Variants in C8orf76 observed in about 807,000 individuals in gnomAD.
C8orf76 encodes uncharacterized protein C8orf76.
A neutral mutation model predicts 38.1 loss-of-function variants in C8orf76; 46 were observed. That is an observed-to-expected ratio of 1.21 (90% CI 0.95 to 1.54). The LOEUF is 1.54. Among genes scored for constraint, C8orf76 ranks in the 40% most tolerant of loss-of-function variants. The pLI is 0.00. For missense variants in C8orf76, 461 were observed against 441.6 expected (o/e 1.04, Z -0.39); for synonymous variants, 166 against 167.5 (o/e 0.99, Z 0.07).
At chr8:123,230,367 G>T (rs1042680290) in intron 4 of C8orf76, among the ~76,000 whole-genome samples, 6 of 152,144 alleles carry the variant, frequency 3.9e-5, no homozygotes, top group Admixed American at 3.3e-4. Flanking sequence ...TGGAATATAC[G>T]AACAGAAAAT....
intron 4 of C8orf76, among the ~76,000 whole-genome samples, chr8:123,227,893 T>C (rs930421420): frequency 2.3e-4 from 35 of 152,198 alleles, no homozygotes; most frequent in Non-Finnish European, 2.6e-4. Context: ...GTCTGACCTG[T>C]TGACATCACC....
Position 123,236,781 on chromosome 8 carries a change from C to G in C8orf76, c.357+1017G>C, listed in dbSNP as rs1182515247. On this transcript the variant is annotated intron_variant, in intron 3 of 5. Transcript: ENST00000276704. The stretch of plus-strand genomic sequence containing the variant: ...CCTGGGTGACAGAGTGAGACTCTGT[C>G]TCAAAAAAAAAAAAAAAGAAAGAAA... The G allele has an allele frequency of 8.0e-6, 4 of 499,708 alleles. No individual in the cohort carries two copies. In the African/African-American group the frequency reaches 8.4e-5, roughly 10 times the overall value. The allele number at this position is 499,708 out of a possible 1,614,324, so 31.0% of individuals were successfully genotyped here. A position where few individuals can be genotyped will look rare whatever the true frequency, so the allele number is the denominator to read the frequency against.
chr8:123,236,719 G>C, intron 3 of C8orf76: 1 of 392,682 alleles, frequency 2.5e-6, no homozygotes, highest in East Asian at 5.8e-5. Context: ...GGGAGGCGGA[G>C]GTTGCGGCAA....
chr8:123,226,978 A>T (rs1342380843), intron 4 of C8orf76, among the ~76,000 whole-genome samples: 6 of 152,212 alleles, frequency 3.9e-5, no homozygotes, highest in Admixed American at 6.5e-5. Flanking sequence ...TTGGAGTGAA[A>T]GGAACGAGCC....
rs764739717 is a variant in C8orf76, at chr8:123,220,198, A to T, written c.1048T>A (p.Ser350Thr). Residue 350 changes from serine (S) to threonine (T), a missense_variant, in exon 6 of 6, where the codon TCA (serine) becomes ACA (threonine). Transcript: ENST00000276704. ...VALTALVTVS[S>T]EEFEDKWFRK... ...AACCACTTGTCTTCAAATTCTTCTG[A>T]GGATACAGTCACCAAGGCAGTCAGG... 3.7e-6 allele frequency: 6 copies of T among 1,613,934 alleles called. No individual in the cohort carries two copies. The highest frequency in any genetic ancestry group is 1.3e-5 in the African/African-American group (1 of 74,926).
chr8:123,241,116 G>A (rs1825669113), intron 1 of C8orf76, 114 bp downstream of exon 1: 1 of 1,077,348 alleles, frequency 9.3e-7, no homozygotes, highest in Non-Finnish European at 1.3e-6. Flanking sequence ...GGCGGGCGCT[G>A]GAGCCTGCCA....
intron 1 of C8orf76, 61 bp from the exon 2 acceptor site, chr8:123,239,205 A>C (rs1449878447): frequency 1.4e-5 from 21 of 1,536,534 alleles, no homozygotes; most frequent in Middle Eastern, 1.7e-4. Flanking sequence ...TCATATTCAG[A>C]AGCAATTTCC....
At chr8:123,235,590 CTG>C (rs1037102902) in intron 3 of C8orf76, among the ~76,000 whole-genome samples, 15 of 152,354 alleles carry the variant, frequency 9.8e-5, no homozygotes, top group African/African-American at 3.6e-4. Context: ...CGCTTTCCAC[CTG>C]ACAGTCCTGC....
rs1246516760 is a variant in C8orf76 at position 123,237,149 on chromosome 8, C to A, written c.357+649G>T. ...CAAGTGCTGTGCCCGCCTGCACCAC[C>A]CCGTGCTGTCAACTCCCGCAAGAAG... On this transcript the variant is annotated intron_variant, in intron 3 of 5. Coordinates refer to ENST00000276704, the MANE Select transcript of C8orf76 (RefSeq NM_032847.3). 5.0e-6 allele frequency: 4 copies of A among 796,452 alleles called. No homozygotes were observed. In the East Asian group the frequency reaches 9.9e-5, roughly 20 times the overall value. 49.3% of individuals were successfully genotyped at this position (796,452 alleles called of 1,614,324 possible).
rs560911652 is a variant in C8orf76, at chr8:123,231,877, T to C, written c.358-120A>G. 2.6e-5 allele frequency: 27 copies of C among 1,045,940 alleles called. No homozygotes were observed. In the South Asian group the frequency reaches 3.6e-4, roughly 14 times the overall value. The allele number at this position is 1,045,940 out of a possible 1,614,324, so 64.8% of individuals were successfully genotyped here. A position where few individuals can be genotyped will look rare whatever the true frequency, so the allele number is the denominator to read the frequency against. On this transcript the variant is annotated intron_variant, in intron 3 of 5. Transcript: ENST00000276704. ...AATTAGAAGTATCTTTCAGTAGCTA[T>C]ACGAGTGACCTAAATATATTTCAAT...
At chr8:123,230,398 T>TC (rs1815325326) in intron 4 of C8orf76, among the ~76,000 whole-genome samples, 1 of 152,244 alleles carries the variant, frequency 6.6e-6, no homozygotes, top group Non-Finnish European at 1.5e-5. Context: ...AAATATGTCT[T>TC]CTCCCTTTTT....
intron 3 of C8orf76, among the ~76,000 whole-genome samples, chr8:123,232,967 T>C (rs1042067696): frequency 6.6e-6 from 1 of 152,182 alleles, no homozygotes; most frequent in Non-Finnish European, 1.5e-5. Flanking sequence ...ACTACATCTG[T>C]AACAAATGCT....
At chr8:123,226,712 G>C (rs1825057875) in intron 4 of C8orf76, 80 bp from the exon 5 acceptor site, 20 of 1,501,438 alleles carry the variant, frequency 1.3e-5, no homozygotes, top group Non-Finnish European at 1.7e-5. Context: ...GAAATGTTCA[G>C]AAAGCCCAGG....
intron 4 of C8orf76, among the ~76,000 whole-genome samples, chr8:123,228,800 C>A (rs1825136291): frequency 6.6e-6 from 1 of 152,194 alleles, no homozygotes; most frequent in East Asian, 1.9e-4. Context: ...CTAACATTTA[C>A]CAAATGCCTA....
In C8orf76 at chr8:123,231,438, A is replaced by T. The variant is rs1825267500; in HGVS notation, c.677T>A (p.Phe226Tyr). The change falls in exon 4 of 6, where the codon TTT (phenylalanine) becomes TAT (tyrosine). Residue 226 changes from phenylalanine to tyrosine, a missense_variant. Coordinates refer to ENST00000276704, the MANE Select transcript of C8orf76 (RefSeq NM_032847.3). ...FPETLPESSL[F>Y]SVEANSSNSQ... ...ATTACTGCTATTCGCTTCCACAGAA[A>T]ATAAAGAGCTCTCAGGCAAGGTTTC... 1 of 1,614,106 alleles carries T rather than the reference A, an allele frequency of 6.2e-7. No individual in the cohort carries two copies. The highest frequency in any genetic ancestry group is 1.3e-5 in the African/African-American group (1 of 74,934).
chr8:123,221,988 C>CT (rs1056984720), intron 5 of C8orf76, among the ~76,000 whole-genome samples: 14 of 151,736 alleles, frequency 9.2e-5, no homozygotes, highest in African/African-American at 3.1e-4. Context: ...TCTTATTTTT[C>CT]TTTTTTTTGG....
chr8:123,239,251 C>T, intron 1 of C8orf76, 107 bp from the exon 2 acceptor site: 2 of 1,209,026 alleles, frequency 1.7e-6, no homozygotes, highest in Non-Finnish European at 2.3e-6. Context: ...AAAAAGACTT[C>T]TTCAAGAGTC....
In C8orf76 at chr8:123,223,406, G is replaced by A. The variant is rs377434989; in HGVS notation, c.948+3094C>T. ...GCAGATCACTTGAGATCAGGAGTTC[G>A]AGACCAGCCTGGCCAATATGGTGAA... On this transcript the variant is annotated intron_variant, in intron 5 of 5. Coordinates refer to ENST00000276704, the MANE Select transcript of C8orf76 (RefSeq NM_032847.3). Among the ~76,000 whole-genome samples the A allele has an allele frequency of 2.6e-5, 4 of 152,216 alleles. No homozygotes were observed. In the East Asian group the frequency reaches 5.8e-4, roughly 22 times the overall value.
At chr8:123,225,036 C>T (rs1824996295) in intron 5 of C8orf76, among the ~76,000 whole-genome samples, 1 of 152,062 alleles carries the variant, frequency 6.6e-6, no homozygotes, top group African/African-American at 2.4e-5. Flanking sequence ...GATGGAGTCT[C>T]CCTCTGTTGC....
Sources: allele counts gnomAD v4.1 joint callset (sites outside exome capture counted in the v4.1 genomes callset), GRCh38; gene constraint gnomAD v4.1.1; transcripts MANE v1.5; gene names NCBI Gene and HGNC (gene_info 2026-07-23, HGNC 2026-07-21).